The following FAM217A variants were observed in gnomAD, a reference collection of about 807,000 sequenced individuals.
FAM217A encodes the protein protein FAM217A.
A neutral mutation model predicts 18.5 loss-of-function variants in FAM217A; 13 were observed. The observed-to-expected ratio is 0.70, with a 90% CI of 0.46 to 1.12. The LOEUF (loss-of-function observed/expected upper bound fraction) is 1.12. Among genes scored for constraint, FAM217A ranks in the 50% most tolerant of loss-of-function variants. The pLI is 0.00. For synonymous variants in FAM217A, 161 were observed against 202.8 expected (o/e 0.79, Z 1.75); for missense variants, 560 against 575.4 (o/e 0.97, Z 0.27).
In FAM217A at chr6:4,078,898, C is replaced by T. The variant is rs1043858533; in HGVS notation, c.-81G>A. The T allele has an allele frequency of 9.4e-5, 55 of 582,934 alleles. 1 individual carries two copies. The highest frequency in any genetic ancestry group is 7.2e-4 in the African/African-American group (37 of 51,344). 36.1% of individuals were successfully genotyped at this position (582,934 alleles called of 1,614,324 possible). A position where few individuals can be genotyped will look rare whatever the true frequency, so the allele number is the denominator to read the frequency against. ...TCCCCGGCGTGCTCTCCCGGTGCGC[C>T]GCCCCGAGGCCCGAGCGCCTCCGCG... is the stretch of plus-strand genomic sequence containing the variant. On this transcript the variant is annotated 5_prime_UTR_variant, in exon 1 of 7. Transcript: ENST00000274673.
intron 2 of FAM217A, among the ~76,000 whole-genome samples, chr6:4,076,211 C>T (rs1769783823): frequency 6.6e-6 from 1 of 151,804 alleles, no homozygotes; most frequent in South Asian, 2.1e-4. Flanking sequence ...TGCCTGTAAT[C>T]CCAGCTACTT....
intron 1 of FAM217A, 123 bp from the exon 2 acceptor site, chr6:4,077,571 G>A (rs1464664009): frequency 3.7e-6 from 3 of 810,860 alleles, no homozygotes; most frequent in Admixed American, 2.1e-5. Flanking sequence ...GAAGAGAGGG[G>A]CTAGGAGAGC....
chr6:4,074,671 TATTTGTTTTAGGATAAACTTAAC>T lies in FAM217A; in HGVS notation c.61-33_61-11del. On this transcript the variant is annotated splice_polypyrimidine_tract_variant and intron_variant, in intron 2 of 6. Coordinates refer to ENST00000274673, the MANE Select transcript of FAM217A (RefSeq NM_173563.3). ...TCCAGTGAGATAAGTTCTAAAACAATATTTGTTTTAGGATAAACTTAACATTAAGAAAACATAAAAAGCTCAAT... is the reference window on the plus strand; with the variant it reads ...TCCAGTGAGATAAGTTCTAAAACAATATTAAGAAAACATAAAAAGCTCAAT... The T allele has an allele frequency of 1.3e-6, 2 of 1,564,642 alleles. No homozygotes were observed. The highest frequency in any genetic ancestry group is 1.8e-6 in the Non-Finnish European group (2 of 1,136,538).
upstream of FAM217A, chr6:4,079,671 G>C: frequency 7.8e-7 from 1 of 1,286,562 alleles, no homozygotes; most frequent in Non-Finnish European, 1.0e-6. Context: ...CAAGCCAGGA[G>C]CACCGCCCGG....
chr6:4,072,566 C>A (rs796345159), intron 6 of FAM217A, among the ~76,000 whole-genome samples: 11 of 151,972 alleles, frequency 7.2e-5, no homozygotes, highest in African/African-American at 2.7e-4. Context: ...AGTTTGAGAC[C>A]AGCGTGACCA....
intron 2 of FAM217A, 28 bp from the exon 3 acceptor site, chr6:4,074,689 CTT>C (rs745791466): frequency 1.3e-6 from 2 of 1,498,706 alleles, no homozygotes; most frequent in East Asian, 2.3e-5. Flanking sequence ...TTAGGATAAA[CTT>C]AACATTAAGA....
chr6:4,076,792 C>T (rs545997300), intron 2 of FAM217A, among the ~76,000 whole-genome samples: 2 of 152,248 alleles, frequency 1.3e-5, no homozygotes, highest in East Asian at 1.9e-4. Context: ...CGCTTGAACC[C>T]GGGAGGTGGG....
At chr6:4,074,721 A>C in intron 2 of FAM217A, 60 bp from the exon 3 acceptor site, 2 of 1,260,978 alleles carry the variant, frequency 1.6e-6, no homozygotes. Flanking sequence ...AAGCTCAATA[A>C]TTTCACATGT....
rs1326246813 is a variant in FAM217A, at chr6:4,068,955, G to GTATGGCCAA, written c.1259_1267dup (p.Ile420_His422dup). The stretch of plus-strand genomic sequence containing the variant: ...GACCATTTTAACCATTGATTGATTT[G>GTATGGCCAA]TATGGCCAATAGTAGGTTTGAATGA... On this transcript the variant is annotated inframe_insertion, in exon 7 of 7. Transcript: ENST00000274673. The GTATGGCCAA allele has an allele frequency of 6.2e-7, 1 of 1,614,110 alleles. No homozygotes were observed. The highest frequency in any genetic ancestry group is 1.1e-5 in the South Asian group (1 of 91,078).
rs116381273 is a variant in FAM217A, at chr6:4,077,498, T to C, written c.-34-50A>G. The C allele has an allele frequency of 2.3e-3, 3,339 of 1,420,984 alleles. 68 individuals are homozygous for C. In the African/African-American group the frequency reaches 0.042, roughly 18 times the overall value. The allele number at this position is 1,420,984 out of a possible 1,614,324, so 88.0% of individuals were successfully genotyped here. ...ATTTATGGGTAAGGGTCAACATTTA[T>C]AAAAAAGAAAGTGTGAGTTTTGATT... On this transcript the variant is annotated intron_variant, in intron 1 of 6. Transcript: ENST00000274673.
In FAM217A at chr6:4,077,249, G is replaced by A. The variant is rs780904192; in HGVS notation, c.60+106C>T. 4 of 1,075,944 alleles carry A rather than the reference G, an allele frequency of 3.7e-6. No individual in the cohort carries two copies. The African/African-American group carries it at 4.7e-5, about 13-fold the overall frequency. The allele number at this position is 1,075,944 out of a possible 1,614,324, so 66.6% of individuals were successfully genotyped here. On this transcript the variant is annotated intron_variant, in intron 2 of 6. Coordinates refer to ENST00000274673, the MANE Select transcript of FAM217A (RefSeq NM_173563.3). ...GGAAAACACAGGATAAACTGCCCAC[G>A]ATGCAAACGCAGCAAGGGCATCACT...
chr6:4,072,438 A>G (rs372674776), intron 6 of FAM217A, among the ~76,000 whole-genome samples: 1,782 of 25,218 alleles, frequency 0.071, 32 homozygotes, highest in African/African-American at 0.17. Context: ...AGTTCTGCAC[A>G]TGTATTCCCA....
intron 4 of FAM217A, among the ~76,000 whole-genome samples, chr6:4,074,153 G>A (rs1769610703): frequency 1.3e-5 from 2 of 152,036 alleles, no homozygotes; most frequent in African/African-American, 4.8e-5. Flanking sequence ...CACCCGGCCT[G>A]CTTCAAGACA....
chr6:4,073,308 C>G lies in FAM217A; in HGVS notation c.269G>C (p.Cys90Ser). Residue 90 changes from cysteine to serine, a missense_variant, in exon 6 of 7, where the codon TGT (cysteine) becomes TCT (serine). Cys to Ser is a moderately radical substitution (Grantham distance 112). Coordinates refer to ENST00000274673, the MANE Select transcript of FAM217A (RefSeq NM_173563.3). ...SKQGIFQLWNCPLNEGSTIEK... is the reference protein window; with the variant it reads ...SKQGIFQLWNSPLNEGSTIEK... ...TATGGTACTTCCTTCATTAAGAGGA[C>G]AATTCCATAATTGAAAGATCCCTTG... 2 of 1,609,952 alleles carry G rather than the reference C, an allele frequency of 1.2e-6. No homozygotes were observed. The highest frequency in any genetic ancestry group is 1.7e-6 in the Non-Finnish European group (2 of 1,179,030).
chr6:4,070,995 C>CAA (rs796795265), intron 6 of FAM217A, among the ~76,000 whole-genome samples: 9 of 126,618 alleles, frequency 7.1e-5, no homozygotes, highest in African/African-American at 2.6e-4. Flanking sequence ...GGCCCTGTTG[C>CAA]AAAAAAAAAA....
At chr6:4,084,564 G>A in intron 2 of FAM217A, 1 of 702,444 alleles carries the variant, frequency 1.4e-6, no homozygotes, top group Non-Finnish European at 2.6e-6. Context: ...TAAAGTCTCA[G>A]TGTCAGAACT....
At chr6:4,076,448 C>T (rs1442023799) in intron 2 of FAM217A, among the ~76,000 whole-genome samples, 1 of 152,078 alleles carries the variant, frequency 6.6e-6, no homozygotes, top group Admixed American at 6.5e-5. Flanking sequence ...GAGATGCACC[C>T]CTTCAGACTT....
At chr6:4,075,773 CAG>C (rs1769749535) in intron 2 of FAM217A, among the ~76,000 whole-genome samples, 1 of 152,028 alleles carries the variant, frequency 6.6e-6, no homozygotes, top group Non-Finnish European at 1.5e-5. Context: ...TAAGGAGGAA[CAG>C]AGAGAAATAA....
In FAM217A at chr6:4,068,581, G is replaced by C; in HGVS notation, c.*115C>G. ...CTACTCCATATCACATCAAGCAACTGTTTGGTGATTTTGGGGGACTGTTAA... is the reference window on the plus strand; with the variant it reads ...CTACTCCATATCACATCAAGCAACTCTTTGGTGATTTTGGGGGACTGTTAA... On this transcript the variant is annotated 3_prime_UTR_variant, in exon 7 of 7. Transcript: ENST00000274673. 2 of 1,187,570 alleles carry C rather than the reference G, an allele frequency of 1.7e-6. No individual in the cohort carries two copies. Among genetic ancestry groups the C allele is most frequent in the Admixed American group, 2.5e-5 (1 of 40,576 alleles). The allele number at this position is 1,187,570 out of a possible 1,614,324, so 73.6% of individuals were successfully genotyped here.
Sources: allele counts gnomAD v4.1 joint callset (sites outside exome capture counted in the v4.1 genomes callset), GRCh38; gene constraint gnomAD v4.1.1; transcripts MANE v1.5; gene names NCBI Gene and HGNC (gene_info 2026-07-23, HGNC 2026-07-21).